Variants in EPHA3 observed in about 807,000 individuals in gnomAD.
EPHA3 encodes ephrin type-A receptor 3.
In EPHA3, 42 loss-of-function variants were observed where a neutral mutation model predicts 107.1. That is an observed-to-expected ratio of 0.39 (90% confidence interval 0.31 to 0.51). The LOEUF (loss-of-function observed/expected upper bound fraction) is 0.51. EPHA3 is among the 20% of genes least tolerant of loss of function. The pLI, the probability that EPHA3 is intolerant of heterozygous loss-of-function variation, is 0.78. For missense variants in EPHA3, 1,183 were observed against 1,211.2 expected (o/e 0.98, Z 0.35); for synonymous variants, 461 against 424.8 (o/e 1.09, Z -1.05).
At chr3:89,178,716 T>C (rs747492158) in intron 2 of EPHA3, among the ~76,000 whole-genome samples, 10 of 152,016 alleles carry the variant, frequency 6.6e-5, no homozygotes, top group South Asian at 2.1e-4. Context: ...AATACTGTTA[T>C]ATAGAATCCT....
rs1206791496 is a variant in EPHA3 at position 89,211,742 on chromosome 3, CCTTCTTCTTCTTCTTCTTCTT to C, written c.814+1279_814+1299del. On this transcript the variant is annotated intron_variant, in intron 3 of 16. Coordinates refer to ENST00000336596, the MANE Select transcript of EPHA3 (RefSeq NM_005233.6). ...TTCTTCTTTTTCTTCTTCTTCTTCT[CCTTCTTCTTCTTCTTCTTCTT>C]CTTCTTCTTCTTCTTCTTCTTCTTC... 1.9e-3 allele frequency among the ~76,000 whole-genome samples: 37 copies of C among 19,532 alleles called. 1 individual carries two copies. Among genetic ancestry groups the C allele is most frequent in the African/African-American group, 4.4e-3 (28 of 6,434 alleles). 12.8% of individuals were successfully genotyped at this position (19,532 alleles called of 152,430 possible). A position where few individuals can be genotyped will look rare whatever the true frequency, so the allele number is the denominator to read the frequency against.
chr3:89,266,928 G>C (rs1705551021), intron 3 of EPHA3, among the ~76,000 whole-genome samples: 1 of 152,030 alleles, frequency 6.6e-6, no homozygotes, highest in African/African-American at 2.4e-5. Context: ...ATTCAACCTT[G>C]AAAGGGCTAA....
At position 89,292,620 on chromosome 3, in the gene EPHA3, T is replaced by A. The variant is rs1465736732; in HGVS notation, c.815-48296T>A. 2.6e-5 allele frequency among the ~76,000 whole-genome samples: 4 copies of A among 152,178 alleles called. No homozygotes were observed. The East Asian group carries it at 7.7e-4, about 29-fold the overall frequency. On this transcript the variant is annotated intron_variant, in intron 3 of 16. Coordinates refer to ENST00000336596, the MANE Select transcript of EPHA3 (RefSeq NM_005233.6). ...TTTGTAAATATGTAAAGAATAAAAT[T>A]CTTAACTCTATTTGATCTATAGAAA...
chr3:89,428,384 G>A (rs1709498316), intron 11 of EPHA3, among the ~76,000 whole-genome samples: 1 of 151,976 alleles, frequency 6.6e-6, no homozygotes, highest in African/African-American at 2.4e-5. Context: ...CTCACAATAA[G>A]TACTATTTAA....
intron 3 of EPHA3, among the ~76,000 whole-genome samples, chr3:89,222,513 A>G (rs1166668686): frequency 1.3e-5 from 2 of 149,342 alleles, no homozygotes; most frequent in Non-Finnish European, 3.0e-5. Flanking sequence ...AAATATATAT[A>G]AATATATGTA....
intron 5 of EPHA3, among the ~76,000 whole-genome samples, chr3:89,359,713 GTA>G (rs1000520787): frequency 5.1e-5 from 7 of 136,632 alleles, no homozygotes; most frequent in East Asian, 2.0e-4. Flanking sequence ...TTGTGTGTGT[GTA>G]TATATATATA....
At chr3:89,413,332 A>C in intron 10 of EPHA3, 66 bp downstream of exon 10, 1 of 1,580,046 alleles carries the variant, frequency 6.3e-7, no homozygotes, top group East Asian at 2.2e-5. Flanking sequence ...AGTCTCTGAA[A>C]CCTAAGTATA....
intron 3 of EPHA3, among the ~76,000 whole-genome samples, chr3:89,211,557 A>C (rs1704081028): frequency 6.6e-6 from 1 of 152,104 alleles, no homozygotes; most frequent in Non-Finnish European, 1.5e-5. Context: ...AGTGGAATAA[A>C]TGAGACTACT....
intron 2 of EPHA3, among the ~76,000 whole-genome samples, chr3:89,193,778 A>T (rs1705774514): frequency 2.0e-5 from 3 of 152,108 alleles, no homozygotes; most frequent in Admixed American, 6.5e-5. Flanking sequence ...AATTACACAA[A>T]ATGATATGAG....
intron 13 of EPHA3, among the ~76,000 whole-genome samples, chr3:89,437,358 G>A (rs1332930034): frequency 4.6e-5 from 7 of 151,752 alleles, no homozygotes; most frequent in East Asian, 1.9e-4. Flanking sequence ...CCTGGATTTC[G>A]TTTGGGATGG....
At chr3:89,305,671 G>T (rs1457985566) in intron 3 of EPHA3, among the ~76,000 whole-genome samples, 1 of 151,988 alleles carries the variant, frequency 6.6e-6, no homozygotes, top group East Asian at 1.9e-4. Context: ...ACTAGTGTGT[G>T]CCACCAATTT....
intron 5 of EPHA3, among the ~76,000 whole-genome samples, chr3:89,358,565 C>T (rs1422695552): frequency 6.6e-6 from 1 of 151,002 alleles, no homozygotes; most frequent in East Asian, 1.9e-4. Flanking sequence ...ATGAATACAG[C>T]ATGAAGTTGA....
intron 3 of EPHA3, among the ~76,000 whole-genome samples, chr3:89,267,472 G>A (rs1466976620): frequency 2.6e-5 from 4 of 152,002 alleles, no homozygotes; most frequent in African/African-American, 9.7e-5. Context: ...TATTAAAAAA[G>A]AAAGGCTTAG....
chr3:89,351,277 G>C (rs926452992), intron 5 of EPHA3, among the ~76,000 whole-genome samples: 1 of 151,312 alleles, frequency 6.6e-6, no homozygotes, highest in Admixed American at 6.6e-5. Context: ...AGATTCCGTG[G>C]GCGTAGGACC....
At chr3:89,286,407 C>T (rs534298807) in intron 3 of EPHA3, among the ~76,000 whole-genome samples, 1 of 152,084 alleles carries the variant, frequency 6.6e-6, no homozygotes, top group East Asian at 1.9e-4. Flanking sequence ...TTTCCTCTGG[C>T]TCTGTGTTGG....
intron 10 of EPHA3, among the ~76,000 whole-genome samples, chr3:89,418,917 C>G (rs367698972): frequency 6.6e-6 from 1 of 151,528 alleles, no homozygotes. Context: ...ACATATGCAG[C>G]TTTCAACTTA....
At chr3:89,292,399 G>A (rs1291522460) in intron 3 of EPHA3, among the ~76,000 whole-genome samples, 1 of 152,008 alleles carries the variant, frequency 6.6e-6, no homozygotes, top group Non-Finnish European at 1.5e-5. Context: ...AAATACTATG[G>A]CATTTTATAT....
chr3:89,372,294 A>G (rs1708322676), intron 5 of EPHA3, among the ~76,000 whole-genome samples: 1 of 151,668 alleles, frequency 6.6e-6, no homozygotes, highest in Non-Finnish European at 1.5e-5. Context: ...GAGGCTTCAT[A>G]TACAAATTTA....
At chr3:89,455,837 C>T (rs1710087103) in intron 15 of EPHA3, among the ~76,000 whole-genome samples, 1 of 152,156 alleles carries the variant, frequency 6.6e-6, no homozygotes, top group Admixed American at 6.5e-5. Flanking sequence ...TAAAGTTTAA[C>T]ATCATTATTC....
Sources: gnomAD v4.1 joint callset for allele counts (sites outside exome capture counted in the v4.1 genomes callset) on GRCh38, gnomAD v4.1.1 for gene constraint, MANE v1.5 for transcripts, NCBI Gene and HGNC (gene_info 2026-07-23, HGNC 2026-07-21) for gene names.